CACNA1B: variants seen among roughly 807,000 people sequenced by gnomAD.
CACNA1B encodes the protein calcium voltage-gated channel subunit alpha1 B, also known as voltage-dependent N-type calcium channel subunit alpha-1B.
CACNA1B carries 70 observed loss-of-function variants against 247.2 expected under a neutral mutation model. The ratio of observed to expected loss-of-function variants is 0.28; its 90% confidence interval spans 0.23 to 0.35. CACNA1B has a LOEUF of 0.35. Ranked by LOEUF, CACNA1B falls within the 10% of genes least tolerant of loss-of-function variation. CACNA1B has a pLI of 1.00. For missense variants in CACNA1B, 2,367 were observed against 3,197.4 expected (o/e 0.74, Z 6.26); for synonymous variants, 1,231 against 1,294.4 (o/e 0.95, Z 1.05).
intron 31 of CACNA1B, among the ~76,000 whole-genome samples, chr9:138,064,796 C>T (rs534499472): frequency 1.4e-4 from 22 of 152,352 alleles, no homozygotes; most frequent in Non-Finnish European, 3.2e-4. Context: ...CCAGAGCCTT[C>T]TCTTCTTCCC....
At chr9:138,082,181 A>G (rs1395709091) in intron 36 of CACNA1B, among the ~76,000 whole-genome samples, 3 of 151,418 alleles carry the variant, frequency 2.0e-5, no homozygotes, top group Non-Finnish European at 4.4e-5. Flanking sequence ...GAATCAAAGG[A>G]CACTATCAAC....
At chr9:138,037,930 T>C (rs1364369674) in intron 20 of CACNA1B, among the ~76,000 whole-genome samples, 2 of 152,254 alleles carry the variant, frequency 1.3e-5, no homozygotes, top group African/African-American at 4.8e-5. Context: ...GGTGAATTTA[T>C]AATTTCATGA....
At chr9:138,022,192 C>T (rs1958853494) in intron 18 of CACNA1B, among the ~76,000 whole-genome samples, 1 of 152,162 alleles carries the variant, frequency 6.6e-6, no homozygotes. Flanking sequence ...CTCCGAGGAC[C>T]ATGTTCTGGC....
chr9:138,035,690 CT>C (rs1014258487), intron 20 of CACNA1B, among the ~76,000 whole-genome samples: 1 of 151,914 alleles, frequency 6.6e-6, no homozygotes, highest in Non-Finnish European at 1.5e-5. Flanking sequence ...TTGATCTTCT[CT>C]GTTGTATTTT....
At chr9:137,983,899 T>G (rs978190334) in intron 12 of CACNA1B, among the ~76,000 whole-genome samples, 9 of 66,940 alleles carry the variant, frequency 1.3e-4, no homozygotes, top group East Asian at 5.0e-4. Flanking sequence ...GTGTCTGGGG[T>G]GGGGGGTGGG....
intron 37 of CACNA1B, among the ~76,000 whole-genome samples, chr9:138,101,597 C>T (rs1961255012): frequency 2.0e-5 from 3 of 152,266 alleles, no homozygotes; most frequent in African/African-American, 7.2e-5. Flanking sequence ...GAGCAGCCGT[C>T]CTCTGGGTTG....
chr9:138,004,800 T>C (rs1958626871), intron 15 of CACNA1B, among the ~76,000 whole-genome samples: 1 of 151,178 alleles, frequency 6.6e-6, no homozygotes, highest in Non-Finnish European at 1.5e-5. Context: ...AAAAAACAAA[T>C]AATCACATTT....
intron 21 of CACNA1B, 77 bp downstream of exon 21, chr9:138,043,977 G>A: frequency 6.5e-7 from 1 of 1,530,862 alleles, no homozygotes. Context: ...TCAGTAGCCA[G>A]CGTGCACTGA....
rs771393649 is a variant in CACNA1B, at chr9:138,118,066, G to A, written c.5898G>A (p.Gly1966=). The change falls in exon 43 of 47, where the codon GGG becomes GGA. Residue 1966 remains glycine (G), a synonymous_variant. Coordinates refer to ENST00000371372, the MANE Select transcript of CACNA1B (RefSeq NM_000718.4). ...ERGHSTEIPV[G]RSGALAVDVQ... ...GCCACTCCACAGAGATCCCTGTGGG[G>A]CGGTCAGGAGCACTGGTGAGCACTC... 10 of 1,585,228 alleles carry A rather than the reference G, an allele frequency of 6.3e-6. No individual in the cohort carries two copies. The highest frequency in any genetic ancestry group is 8.6e-6 in the Non-Finnish European group (10 of 1,165,012).
intron 35 of CACNA1B, 127 bp downstream of exon 35, chr9:138,076,037 C>T: frequency 1.5e-6 from 1 of 663,388 alleles, no homozygotes; most frequent in Non-Finnish European, 2.7e-6. Context: ...CCACTGGCTT[C>T]CCCTCAGCAG....
At position 138,053,855 on chromosome 9, in the gene CACNA1B, G is replaced by T. The variant is rs1433209735; in HGVS notation, c.3817G>T (p.Asp1273Tyr). 3 of 1,609,938 alleles carry T rather than the reference G, an allele frequency of 1.9e-6. No homozygotes were observed. Among genetic ancestry groups the T allele is most frequent in the Non-Finnish European group, 2.5e-6 (3 of 1,177,848 alleles). ...KRLPKLKAVFDCVVNSLKNVL... is the reference protein window; with the variant it reads ...KRLPKLKAVFYCVVNSLKNVL... ...ACCCCTCCTCCTGCAGGCTGTGTTT[G>T]ACTGTGTGGTGAACTCCCTGAAGAA... The change falls in exon 26 of 47, where the codon GAC (aspartate) becomes TAC (tyrosine). Residue 1273 changes from aspartate (D) to tyrosine (Y), a missense_variant. By Grantham distance (160) the Asp-to-Tyr change is radical. Coordinates refer to ENST00000371372, the MANE Select transcript of CACNA1B (RefSeq NM_000718.4).
intron 10 of CACNA1B, among the ~76,000 whole-genome samples, chr9:137,958,864 T>C (rs904878636): frequency 5.3e-5 from 8 of 152,208 alleles, no homozygotes; most frequent in Middle Eastern, 3.2e-3. Context: ...GGCACTACAA[T>C]TTTCCTTTCT....
Position 138,052,249 on chromosome 9 carries a change from CGTGTGTGT to C in CACNA1B, c.3807+68_3807+75del. ...GTGTGTGTGTGCGTGTGTGTGTGTGCGTGTGTGTGTGTGTATGCATGCAGTGCATGAGT... is the reference window on the plus strand; with the variant it reads ...GTGTGTGTGTGCGTGTGTGTGTGTGCGTGTGTATGCATGCAGTGCATGAGT... On this transcript the variant is annotated intron_variant, in intron 25 of 46. Transcript: ENST00000371372. The surrounding 1 kb of genome is among the most constrained non-coding windows in gnomAD (Gnocchi z 5.1). The C allele has an allele frequency of 2.6e-6, 2 of 779,168 alleles. No homozygotes were observed. The highest frequency in any genetic ancestry group is 2.2e-6 in the Non-Finnish European group (1 of 464,630). The allele number at this position is 779,168 out of a possible 1,614,324, so 48.3% of individuals were successfully genotyped here.
At chr9:137,975,155 C>T (rs1030980877) in intron 11 of CACNA1B, among the ~76,000 whole-genome samples, 2 of 152,112 alleles carry the variant, frequency 1.3e-5, no homozygotes, top group Admixed American at 1.3e-4. Flanking sequence ...GCCCTCTAGC[C>T]CCAGCATGGC....
chr9:138,063,093 A>G (rs1378494345), intron 31 of CACNA1B, among the ~76,000 whole-genome samples: 2 of 152,250 alleles, frequency 1.3e-5, no homozygotes, highest in African/African-American at 2.4e-5. Context: ...CATCTGATCT[A>G]AGTAACATAA....
At chr9:137,935,015 A>G (rs772487754) in intron 6 of CACNA1B, among the ~76,000 whole-genome samples, 1 of 152,252 alleles carries the variant, frequency 6.6e-6, no homozygotes, top group Non-Finnish European at 1.5e-5. Context: ...TCAGAAGATT[A>G]GTTATTAAGC....
chr9:138,120,098 T>C, intron 44 of CACNA1B, 67 bp from the exon 45 acceptor site: 1 of 1,370,580 alleles, frequency 7.3e-7, no homozygotes, highest in South Asian at 1.3e-5. Context: ...CACCACCCAC[T>C]TCCATGCCTG....
chr9:138,010,683 G>A lies in CACNA1B; in HGVS notation c.2160+606G>A, dbSNP rs921675409. On this transcript the variant is annotated intron_variant, in intron 17 of 46. Transcript: ENST00000371372. The surrounding 1 kb of genome is among the most constrained non-coding windows in gnomAD (Gnocchi z 5.3). ...GTGAACCACGCTGCAAACGTCCCACGTGCATGCTCTGCACATCAGTGTGTA... is the reference window on the plus strand; with the variant it reads ...GTGAACCACGCTGCAAACGTCCCACATGCATGCTCTGCACATCAGTGTGTA... 3.9e-5 allele frequency among the ~76,000 whole-genome samples: 6 copies of A among 152,126 alleles called. No individual in the cohort carries two copies. Among genetic ancestry groups the A allele is most frequent in the Admixed American group, 6.5e-5 (1 of 15,278 alleles).
intron 36 of CACNA1B, among the ~76,000 whole-genome samples, chr9:138,091,022 A>C (rs1379353353): frequency 6.6e-6 from 1 of 152,226 alleles, no homozygotes; most frequent in African/African-American, 2.4e-5. Flanking sequence ...GTGATCTAGC[A>C]ATTCCACTAC....
Sources: gnomAD v4.1 joint callset for allele counts (sites outside exome capture counted in the v4.1 genomes callset) on GRCh38, gnomAD v4.1.1 for gene constraint, Gnocchi (gnomAD v3.1) non-coding constraint, MANE v1.5 for transcripts, NCBI Gene and HGNC (gene_info 2026-07-23, HGNC 2026-07-21) for gene names.